Variants in TTC23 observed in about 807,000 individuals in gnomAD.
The protein encoded by TTC23 is tetratricopeptide repeat protein 23.
A neutral mutation model predicts 55.1 loss-of-function variants in TTC23; 58 were observed. The ratio of observed to expected loss-of-function variants is 1.05; its 90% CI spans 0.85 to 1.31. TTC23 has a LOEUF of 1.31. Ranked by LOEUF, TTC23 falls within the 50% of genes most tolerant of loss-of-function variation. The pLI, the probability that TTC23 is intolerant of heterozygous loss-of-function variation, is 0.00. For missense variants in TTC23, 516 were observed against 534.4 expected (o/e 0.97, Z 0.34); for synonymous variants, 203 against 199.9 (o/e 1.02, Z -0.13).
intron 9 of TTC23, among the ~76,000 whole-genome samples, chr15:99,192,867 C>T (rs1488146925): frequency 6.6e-6 from 1 of 152,162 alleles, no homozygotes; most frequent in Admixed American, 6.5e-5. Flanking sequence ...GAGGCTGTAC[C>T]CTGCAAAGCC....
At chr15:99,208,244 C>T (rs1029232487) in intron 8 of TTC23, among the ~76,000 whole-genome samples, 4 of 151,746 alleles carry the variant, frequency 2.6e-5, no homozygotes, top group Admixed American at 6.6e-5. Flanking sequence ...TAAAATATGA[C>T]AAATTTTATA....
chr15:99,146,488 T>G (rs2068872384), intron 12 of TTC23, among the ~76,000 whole-genome samples: 1 of 152,218 alleles, frequency 6.6e-6, no homozygotes. Context: ...TGCTTTTCCC[T>G]CCATCCCTGG....
intron 5 of TTC23, among the ~76,000 whole-genome samples, chr15:99,226,464 G>T (rs539562244): frequency 2.0e-5 from 3 of 152,112 alleles, no homozygotes; most frequent in South Asian, 2.1e-4. Context: ...CTGTAAGTCA[G>T]AAATTATTTT....
chr15:99,174,961 G>C, intron 10 of TTC23, 89 bp downstream of exon 10: 2 of 1,095,990 alleles, frequency 1.8e-6, no homozygotes, highest in Non-Finnish European at 2.6e-6. Context: ...CTGTGTCGCG[G>C]CTCTGTCCAC....
rs1377947165 is a variant in TTC23, at chr15:99,161,808, C to A, written c.925G>T (p.Gly309Ter). 1 of 1,613,684 alleles carries A rather than the reference C, an allele frequency of 6.2e-7. No homozygotes were observed. The highest frequency in any genetic ancestry group is 2.2e-5 in the East Asian group (1 of 44,842). The change falls in exon 11 of 14, where the codon GGA becomes TGA. Residue 309 changes from glycine to a stop codon, truncating the protein, a stop_gained. Coordinates refer to ENST00000394132, the MANE Select transcript of TTC23 (RefSeq NM_001288615.3). LOFTEE classifies it high-confidence loss of function. ...MAHLKDSEGM[G>*]RTKFLSIQDE... ...TGAATTGAAAGAAATTTGGTTCTTCCCATCCCTTCAGAATCCTTAAGATGA... is the reference window on the plus strand; with the variant it reads ...TGAATTGAAAGAAATTTGGTTCTTCACATCCCTTCAGAATCCTTAAGATGA...
chr15:99,222,813 T>C (rs1010956213), intron 5 of TTC23, among the ~76,000 whole-genome samples: 1 of 152,018 alleles, frequency 6.6e-6, no homozygotes. Context: ...CTGGCTAACA[T>C]GGTGAAACCC....
intron 10 of TTC23, among the ~76,000 whole-genome samples, chr15:99,169,984 G>A (rs1005122525): frequency 1.8e-4 from 27 of 152,130 alleles, no homozygotes; most frequent in African/African-American, 6.3e-4. Context: ...CCCTCTCAAA[G>A]GCTGAAATGT....
intron 8 of TTC23, among the ~76,000 whole-genome samples, chr15:99,205,620 G>T (rs1363068681): frequency 6.6e-6 from 1 of 151,262 alleles, no homozygotes; most frequent in Admixed American, 6.6e-5. Context: ...CTAGCTGTTG[G>T]CATACAGAAA....
rs1437223544 is a variant in TTC23 at position 99,249,151 on chromosome 15, T to C, written c.-431+20A>G. ...GTAGAAAATGATCTATAGTTAATCTTATTATCTTGCCTCCTTTACCTTTCA... is the reference window on the plus strand; with the variant it reads ...GTAGAAAATGATCTATAGTTAATCTCATTATCTTGCCTCCTTTACCTTTCA... On this transcript the variant is annotated intron_variant, in intron 1 of 13. Coordinates refer to ENST00000394132, the MANE Select transcript of TTC23 (RefSeq NM_001288615.3). 1 of 152,216 alleles carries C rather than the reference T, an allele frequency of 6.6e-6. No individual in the cohort carries two copies. The highest frequency in any genetic ancestry group is 1.5e-5 in the Non-Finnish European group (1 of 68,026). The allele number at this position is 152,216 out of a possible 1,614,324, so 9.4% of individuals were successfully genotyped here. A position where few individuals can be genotyped will look rare whatever the true frequency, so the allele number is the denominator to read the frequency against.
At chr15:99,208,250 T>A (rs555775564) in intron 8 of TTC23, among the ~76,000 whole-genome samples, 4 of 151,854 alleles carry the variant, frequency 2.6e-5, no homozygotes, top group East Asian at 1.9e-4. Context: ...ATGACAAATT[T>A]TATATATATA....
chr15:99,220,422 G>A (rs2077825224), intron 6 of TTC23, among the ~76,000 whole-genome samples: 1 of 152,194 alleles, frequency 6.6e-6, no homozygotes, highest in South Asian at 2.1e-4. Context: ...AACCCCAGAT[G>A]GCAGGACAAA....
chr15:99,248,531 G>A (rs992321891), intron 1 of TTC23, among the ~76,000 whole-genome samples: 1 of 152,074 alleles, frequency 6.6e-6, no homozygotes, highest in Non-Finnish European at 1.5e-5. Context: ...CATTGCTCAG[G>A]CCCAAATTGA....
intron 10 of TTC23, among the ~76,000 whole-genome samples, chr15:99,167,928 G>A (rs1432095526): frequency 6.6e-6 from 1 of 152,178 alleles, no homozygotes; most frequent in East Asian, 1.9e-4. Flanking sequence ...TCATAGCCTG[G>A]CGCTAACCTG....
chr15:99,218,389 G>C (rs745516966), intron 8 of TTC23, among the ~76,000 whole-genome samples, 199 bp downstream of exon 8: 1 of 152,194 alleles, frequency 6.6e-6, no homozygotes, highest in Non-Finnish European at 1.5e-5. Flanking sequence ...GCACTCCACA[G>C]AGAGTGAAAA....
rs1264341895 is a variant in TTC23, at chr15:99,228,514, G to A, written c.180+19C>T. On this transcript the variant is annotated intron_variant, in intron 5 of 13. Transcript: ENST00000394132. The stretch of plus-strand genomic sequence containing the variant: ...GCTCAATTCTCAGAGTAGAAATACA[G>A]AAACAAAAGTCTCCTTACCTCATGA... 1 of 1,581,614 alleles carries A rather than the reference G, an allele frequency of 6.3e-7. No homozygotes were observed. Among genetic ancestry groups the A allele is most frequent in the Non-Finnish European group, 8.6e-7 (1 of 1,162,352 alleles).
intron 9 of TTC23, among the ~76,000 whole-genome samples, chr15:99,186,325 G>T (rs1316313631): frequency 6.6e-6 from 1 of 152,092 alleles, no homozygotes; most frequent in South Asian, 2.1e-4. Flanking sequence ...CTCCAACCCA[G>T]ATTTTTTGAC....
intron 11 of TTC23, among the ~76,000 whole-genome samples, chr15:99,156,656 G>A (rs981028921): frequency 2.0e-5 from 3 of 152,154 alleles, no homozygotes; most frequent in Non-Finnish European, 2.9e-5. Context: ...TCGCAAGAAC[G>A]GCATGGGGGT....
At chr15:99,188,709 T>C (rs976784614) in intron 9 of TTC23, among the ~76,000 whole-genome samples, 1 of 152,080 alleles carries the variant, frequency 6.6e-6, no homozygotes, top group African/African-American at 2.4e-5. Context: ...TATGAAAAGA[T>C]GTTCAACTCC....
intron 4 of TTC23, among the ~76,000 whole-genome samples, 154 bp downstream of exon 4, chr15:99,234,834 T>C (rs947360421): frequency 6.6e-6 from 1 of 152,098 alleles, no homozygotes; most frequent in African/African-American, 2.4e-5. Flanking sequence ...TTAAAAAGAC[T>C]TATTGTAGTA....
Sources: gnomAD v4.1 joint callset for allele counts (sites outside exome capture counted in the v4.1 genomes callset) on GRCh38, gnomAD v4.1.1 for gene constraint, MANE v1.5 for transcripts, NCBI Gene and HGNC (gene_info 2026-07-23, HGNC 2026-07-21) for gene names.